The following CDKL1 variants were observed in gnomAD, a reference collection of about 807,000 sequenced individuals.
CDKL1 encodes cyclin dependent kinase like 1, also known as cyclin-dependent kinase-like 1.
A neutral mutation model predicts 42.0 loss-of-function variants in CDKL1; 41 were observed. That is an observed-to-expected ratio of 0.98 (90% CI 0.76 to 1.27). The LOEUF is 1.27. Ranked by LOEUF, CDKL1 falls within the 50% of genes most tolerant of loss-of-function variation. CDKL1 has a pLI of 0.00. For synonymous variants in CDKL1, 153 were observed against 158.6 expected, an observed-to-expected ratio of 0.96 and a Z score of 0.26; for missense variants, 394 against 428.4, an observed-to-expected ratio of 0.92 and a Z score of 0.71.
At chr14:50,378,220 A>G in intron 2 of CDKL1, 1 of 1,366,368 alleles carries the variant, frequency 7.3e-7, no homozygotes, top group South Asian at 1.1e-5. Context: ...GTGCCTCCTT[A>G]GGAGGGGGAT....
chr14:50,377,947 A>G (rs1014947672), intron 2 of CDKL1, among the ~76,000 whole-genome samples: 19 of 152,156 alleles, frequency 1.2e-4, no homozygotes, highest in Non-Finnish European at 2.2e-4. Flanking sequence ...CAAAAAATCA[A>G]TCTCAGGACT....
In CDKL1 at chr14:50,346,484, C is replaced by G. The variant is rs150549559; in HGVS notation, c.291-1426G>C. Among the ~76,000 whole-genome samples, 484 of 151,678 alleles carry G rather than the reference C, an allele frequency of 3.2e-3. 2 individuals carry two copies. The highest frequency in any genetic ancestry group is 6.0e-3 in the Non-Finnish European group (405 of 67,920). On this transcript the variant is annotated intron_variant, in intron 3 of 9. Transcript: ENST00000395834. Reference sequence around the variant, plus strand: ...ACTTTTAATTTTTTTTTTTTAGGGTCAGGGTCTTGCTGTGCTGCCCAGGCT... The same window carrying G: ...ACTTTTAATTTTTTTTTTTTAGGGTGAGGGTCTTGCTGTGCTGCCCAGGCT...
At chr14:50,361,702 T>C (rs537967403) in intron 2 of CDKL1, among the ~76,000 whole-genome samples, 184 of 152,250 alleles carry the variant, frequency 1.2e-3, no homozygotes, top group Admixed American at 5.0e-3. Context: ...GCACTGGGGG[T>C]GAAGTTTCAA....
chr14:50,352,330 G>GAA lies in CDKL1; in HGVS notation c.290+6696_290+6697dup, dbSNP rs142599484. On this transcript the variant is annotated intron_variant, in intron 3 of 9. Transcript: ENST00000395834. ...AGAGCCTAAGGTAGCACAATTATAA[G>GAA]AAAAAATATATATATATAAATCCAT... Among the ~76,000 whole-genome samples, 803 of 150,288 alleles carry GAA rather than the reference G, an allele frequency of 5.3e-3. 10 individuals are homozygous for GAA. Among genetic ancestry groups the GAA allele is most frequent in the African/African-American group, 0.019 (761 of 40,004 alleles).
intron 2 of CDKL1, among the ~76,000 whole-genome samples, chr14:50,374,941 T>C (rs2034688535): frequency 6.6e-6 from 1 of 151,222 alleles, no homozygotes; most frequent in African/African-American, 2.4e-5. Context: ...CTGTTGGGGG[T>C]TGGAGGGCAA....
intron 3 of CDKL1, among the ~76,000 whole-genome samples, chr14:50,349,000 TAACAA>T (rs1490085174): frequency 6.6e-6 from 1 of 151,976 alleles, no homozygotes; most frequent in African/African-American, 2.4e-5. Context: ...AGGAAGTCAA[TAACAA>T]AACAATTCAA....
chr14:50,335,669 C>A (rs1648957190), intron 7 of CDKL1: 1 of 1,494,542 alleles, frequency 6.7e-7, no homozygotes, highest in Non-Finnish European at 8.9e-7. Context: ...TAAGAGCCAG[C>A]CAAGCTGAGC....
chr14:50,345,208 A>G (rs1452449716), intron 3 of CDKL1, 150 bp from the exon 4 acceptor site: 3 of 669,636 alleles, frequency 4.5e-6, no homozygotes, highest in East Asian at 5.5e-5. Flanking sequence ...CCATGAATCC[A>G]AAATGTAAAA....
intron 2 of CDKL1, among the ~76,000 whole-genome samples, chr14:50,371,937 G>A (rs929203225): frequency 7.2e-5 from 11 of 152,212 alleles, no homozygotes; most frequent in South Asian, 4.1e-4. Flanking sequence ...CCAGGTGTGC[G>A]CATGCTCAGG....
At chr14:50,354,447 G>A (rs1475268864) in intron 3 of CDKL1, among the ~76,000 whole-genome samples, 1 of 152,170 alleles carries the variant, frequency 6.6e-6, no homozygotes, top group African/African-American at 2.4e-5. Flanking sequence ...AATTAAATCT[G>A]TGCAGGAAAG....
chr14:50,336,052 CTG>C (rs770995631), intron 7 of CDKL1: 2 of 1,366,380 alleles, frequency 1.5e-6, no homozygotes, highest in Admixed American at 1.9e-5. Context: ...CTGAGCATCA[CTG>C]GGGTTTGACG....
At chr14:50,335,803 GTAT>G (rs1272949557) in intron 7 of CDKL1, 8 of 985,200 alleles carry the variant, frequency 8.1e-6, no homozygotes, top group Middle Eastern at 5.2e-4. Flanking sequence ...TCACAGTACA[GTAT>G]TATTTTGGAC....
At chr14:50,342,983 C>A (rs772363693) in intron 4 of CDKL1, 1 of 1,354,958 alleles carries the variant, frequency 7.4e-7, no homozygotes, top group Middle Eastern at 2.1e-4. Flanking sequence ...CCTCGAGATG[C>A]GGCCCCCCCT....
chr14:50,334,387 G>C lies in CDKL1; in HGVS notation c.795+178C>G, dbSNP rs1364087879. ...GGCTGGTTTTGAACTGACCTCAGGT[G>C]ATCTGCCTGCCTTGGCCTCCCAAAG... On this transcript the variant is annotated intron_variant, in intron 8 of 9. Coordinates refer to ENST00000395834, the MANE Select transcript of CDKL1 (RefSeq NM_004196.7). The C allele has an allele frequency of 1.0e-5, 6 of 576,520 alleles. No individual in the cohort carries two copies. In the Admixed American group the frequency reaches 1.7e-4, roughly 16 times the overall value. 35.7% of individuals were successfully genotyped at this position (576,520 alleles called of 1,614,324 possible).
intron 2 of CDKL1, chr14:50,362,214 C>T (rs535608013): frequency 9.1e-5 from 29 of 317,388 alleles, no homozygotes; most frequent in Middle Eastern, 1.9e-3. Flanking sequence ...CGAGCCTCCA[C>T]GATCAGAACC....
At chr14:50,373,939 G>A (rs1009805131) in intron 2 of CDKL1, among the ~76,000 whole-genome samples, 3 of 152,140 alleles carry the variant, frequency 2.0e-5, no homozygotes, top group Admixed American at 2.0e-4. Flanking sequence ...TTACCCAAAT[G>A]GTTGAAAACT....
At chr14:50,348,798 T>C (rs375482994) in intron 3 of CDKL1, among the ~76,000 whole-genome samples, 44 of 152,058 alleles carry the variant, frequency 2.9e-4, no homozygotes, top group African/African-American at 1.0e-3. Context: ...AAAAAGCAAC[T>C]TAAAAGAAAC....
chr14:50,355,266 T>C (rs547079438), intron 3 of CDKL1, among the ~76,000 whole-genome samples: 2 of 152,306 alleles, frequency 1.3e-5, no homozygotes, highest in East Asian at 3.9e-4. Context: ...CCCATAACAA[T>C]AAATACTTTT....
At chr14:50,331,638 G>C (rs1420353739) in intron 9 of CDKL1, 3 of 205,224 alleles carry the variant, frequency 1.5e-5, no homozygotes, top group Non-Finnish European at 3.0e-5. Flanking sequence ...CCCAGGATCA[G>C]TTGTGGTTCC....
Sources: allele counts gnomAD v4.1 joint callset (sites outside exome capture counted in the v4.1 genomes callset), GRCh38; gene constraint gnomAD v4.1.1; transcripts MANE v1.5; gene names NCBI Gene and HGNC (gene_info 2026-07-23, HGNC 2026-07-21).